The following WIPF2 variants were observed in gnomAD, a reference collection of about 807,000 sequenced individuals.
WIPF2 encodes WAS/WASL-interacting protein family member 2.
WIPF2 carries 23 observed loss-of-function variants against 38.8 expected under a neutral mutation model. The ratio of observed to expected loss-of-function variants is 0.59; its 90% CI spans 0.43 to 0.84. WIPF2 has a LOEUF of 0.84. Among genes scored for constraint, WIPF2 ranks in the 40% least tolerant of loss-of-function variants. The pLI, the probability that WIPF2 is intolerant of heterozygous loss-of-function variation, is 0.00. For missense variants in WIPF2, 574 were observed against 580.5 expected (o/e 0.99, Z 0.11); for synonymous variants, 210 against 223.2 (o/e 0.94, Z 0.53).
At position 40,234,102 on chromosome 17, in the gene WIPF2, C is replaced by G. The variant is rs952943798; in HGVS notation, c.-70+14610C>G. On this transcript the variant is annotated intron_variant, in intron 1 of 7. Transcript: ENST00000323571. The stretch of plus-strand genomic sequence containing the variant: ...AAAAAAAACAGGCCAGGCACAGTGG[C>G]TCACGCCTGTAATCCCAGCACTTTG... Among the ~76,000 whole-genome samples, 3 of 152,134 alleles carry G rather than the reference C, an allele frequency of 2.0e-5. No homozygotes were observed. In the South Asian group the frequency reaches 6.2e-4, roughly 32 times the overall value.
At position 40,230,463 on chromosome 17, in the gene WIPF2, G is replaced by C. The variant is rs117212964; in HGVS notation, c.-70+10971G>C. 7.4e-3 allele frequency among the ~76,000 whole-genome samples: 1,123 copies of C among 152,118 alleles called. 11 individuals carry two copies. Among genetic ancestry groups the C allele is most frequent in the Middle Eastern group, 0.051 (15 of 294 alleles). On this transcript the variant is annotated intron_variant, in intron 1 of 7. Coordinates refer to ENST00000323571, the MANE Select transcript of WIPF2 (RefSeq NM_133264.5). ...ATGATGAGACCATCAGTGTCATAAA[G>C]AAGTCTGATGCTTGTGCAGTGAAAC...
chr17:40,232,220 C>T (rs750674772), intron 1 of WIPF2, among the ~76,000 whole-genome samples: 2 of 117,714 alleles, frequency 1.7e-5, no homozygotes, highest in Admixed American at 9.8e-5. Flanking sequence ...GACAGGGTCT[C>T]GCTCTGTTGC....
chr17:40,262,080 T>C lies in WIPF2; in HGVS notation c.197-445T>C, dbSNP rs1373111262. On this transcript the variant is annotated intron_variant, in intron 3 of 7. Coordinates refer to ENST00000323571, the MANE Select transcript of WIPF2 (RefSeq NM_133264.5). Reference sequence around the variant, plus strand: ...CCTTTCTTTTCTTTTCTTTTCTCTTTTTTTTTTTTTTTTTGAAACAGGGTC... The same window carrying C: ...CCTTTCTTTTCTTTTCTTTTCTCTTCTTTTTTTTTTTTTTGAAACAGGGTC... Among the ~76,000 whole-genome samples, 102 of 110,882 alleles carry C rather than the reference T, an allele frequency of 9.2e-4. 1 individual carries two copies. The highest frequency in any genetic ancestry group is 3.1e-3 in the African/African-American group (89 of 28,866). The allele number at this position is 110,882 out of a possible 152,430, so 72.7% of individuals were successfully genotyped here. A position where few individuals can be genotyped will look rare whatever the true frequency, so the allele number is the denominator to read the frequency against.
intron 2 of WIPF2, among the ~76,000 whole-genome samples, chr17:40,259,232 G>A (rs2031825590): frequency 6.6e-6 from 1 of 151,122 alleles, no homozygotes; most frequent in South Asian, 2.1e-4. Context: ...TTGCTTGAGG[G>A]GATGTGGTAG....
Position 40,264,815 on chromosome 17 carries a change from T to C in WIPF2, c.639T>C (p.Pro213=), listed in dbSNP as rs755335352. The C allele has an allele frequency of 8.7e-6, 14 of 1,607,836 alleles. No homozygotes were observed. Among genetic ancestry groups the C allele is most frequent in the Non-Finnish European group, 1.7e-6 (2 of 1,179,334 alleles). The change falls in exon 5 of 8, where the codon CCT becomes CCC. Residue 213 remains proline (P), a synonymous_variant. Transcript: ENST00000323571. ...YNREKPLPPT[P]GQRLHPGREG... ...GAGAGAAACCCTTGCCACCGACGCC[T>C]GGACAAAGGCTTCACCCTGGTCGAG...
intron 1 of WIPF2, among the ~76,000 whole-genome samples, chr17:40,223,599 GTT>G (rs527827847): frequency 5.4e-5 from 7 of 130,290 alleles, no homozygotes; most frequent in Non-Finnish European, 6.6e-5. Context: ...TTTTTTTTGG[GTT>G]TTTTTTTTTT....
chr17:40,258,793 TTAA>T (rs975070492), intron 2 of WIPF2, among the ~76,000 whole-genome samples: 1 of 151,502 alleles, frequency 6.6e-6, no homozygotes, highest in Non-Finnish European at 1.5e-5. Flanking sequence ...AATTAATTAA[TTAA>T]TGAGACAGAG....
intron 1 of WIPF2, among the ~76,000 whole-genome samples, chr17:40,228,319 T>G (rs965757282): frequency 6.6e-6 from 1 of 152,122 alleles, no homozygotes; most frequent in Non-Finnish European, 1.5e-5. Context: ...CCGGCCATTT[T>G]TATACCTCTT....
At chr17:40,229,361 C>T (rs2030646011) in intron 1 of WIPF2, among the ~76,000 whole-genome samples, 1 of 152,072 alleles carries the variant, frequency 6.6e-6, no homozygotes, top group Non-Finnish European at 1.5e-5. Flanking sequence ...CCCACCTCGG[C>T]GTCCCAAAGT....
chr17:40,250,989 C>T (rs2031544235), intron 1 of WIPF2, among the ~76,000 whole-genome samples: 1 of 148,522 alleles, frequency 6.7e-6, no homozygotes. Context: ...TCTCGGCTCA[C>T]TGCCAGCTCC....
chr17:40,268,228 C>G (rs2032149212), intron 5 of WIPF2, among the ~76,000 whole-genome samples: 1 of 152,206 alleles, frequency 6.6e-6, no homozygotes, highest in Non-Finnish European at 1.5e-5. Context: ...TTGTTCAGTA[C>G]ATACAGATTT....
rs1229782082 is a variant in WIPF2, at chr17:40,280,133, T to G, written c.*1908T>G. 6.6e-6 allele frequency: 1 copy of G among 152,226 alleles called. No homozygotes were observed. The highest frequency in any genetic ancestry group is 1.5e-5 in the Non-Finnish European group (1 of 68,062). The allele number at this position is 152,226 out of a possible 1,614,324, so 9.4% of individuals were successfully genotyped here. A position where few individuals can be genotyped will look rare whatever the true frequency, so the allele number is the denominator to read the frequency against. On this transcript the variant is annotated 3_prime_UTR_variant, in exon 8 of 8. Coordinates refer to ENST00000323571, the MANE Select transcript of WIPF2 (RefSeq NM_133264.5). ...TTTTATGTATCATTCTTCTTTCTAA[T>G]CTGTTAGCAGTTATCTCCCAGAAGT... is the stretch of plus-strand genomic sequence containing the variant.
At chr17:40,261,714 TCTCA>T (rs1259168761) in intron 3 of WIPF2, among the ~76,000 whole-genome samples, 1 of 142,152 alleles carries the variant, frequency 7.0e-6, no homozygotes, top group Admixed American at 7.2e-5. Flanking sequence ...GGAGACAGAA[TCTCA>T]CTCTGTCACC....
At chr17:40,251,795 A>C (rs1186374617) in intron 1 of WIPF2, among the ~76,000 whole-genome samples, 1 of 152,212 alleles carries the variant, frequency 6.6e-6, no homozygotes, top group Non-Finnish European at 1.5e-5. Flanking sequence ...TCCTCACCAT[A>C]AAATGGGAAG....
At chr17:40,243,872 T>C (rs2031274738) in intron 1 of WIPF2, among the ~76,000 whole-genome samples, 1 of 152,114 alleles carries the variant, frequency 6.6e-6, no homozygotes, top group South Asian at 2.1e-4. Context: ...TTTTATTACT[T>C]GTTGGATCAG....
intron 1 of WIPF2, among the ~76,000 whole-genome samples, chr17:40,247,030 G>A (rs1179769148): frequency 6.6e-6 from 1 of 151,598 alleles, no homozygotes; most frequent in Non-Finnish European, 1.5e-5. Flanking sequence ...AGAATTGCAT[G>A]AACCTGGGAG....
In WIPF2 at chr17:40,265,025, G is replaced by C. The variant is rs776538667; in HGVS notation, c.849G>C (p.Leu283Phe). 1 of 1,614,048 alleles carries C rather than the reference G, an allele frequency of 6.2e-7. No homozygotes were observed. Among genetic ancestry groups the C allele is most frequent in the Admixed American group, 1.7e-5 (1 of 60,004 alleles). Residue 283 changes from leucine (L) to phenylalanine (F), a missense_variant, in exon 5 of 8, where the codon TTG becomes TTC. Coordinates refer to ENST00000323571, the MANE Select transcript of WIPF2 (RefSeq NM_133264.5). ...AGCTGCCACAGAGACACAATTCTTTGCATAGGAAGACACCAGGGCCTGTCA... is the reference window on the plus strand; with the variant it reads ...AGCTGCCACAGAGACACAATTCTTTCCATAGGAAGACACCAGGGCCTGTCA... ...APELPQRHNS[L>F]HRKTPGPVRG...
chr17:40,261,292 A>G (rs1243823258), intron 3 of WIPF2, among the ~76,000 whole-genome samples: 1 of 148,658 alleles, frequency 6.7e-6, no homozygotes, highest in African/African-American at 2.5e-5. Flanking sequence ...TATGTTGAAC[A>G]TTTCTTTTTT....
At position 40,273,833 on chromosome 17, in the gene WIPF2, T is replaced by C; in HGVS notation, c.1014T>C (p.Asp338=). 1 of 1,601,894 alleles carries C rather than the reference T, an allele frequency of 6.2e-7. No homozygotes were observed. The highest frequency in any genetic ancestry group is 8.5e-7 in the Non-Finnish European group (1 of 1,170,984). ...PPPVIRNGAR[D]APPPPPPYRM... is the part of the protein sequence containing the mutation. ...CTGTGATCCGAAATGGTGCCAGGGA[T>C]GCTCCCCCTCCCCCACCACCATACC... The change falls in exon 6 of 8, where the codon GAT becomes GAC. Residue 338 remains aspartate, a synonymous_variant. Transcript: ENST00000323571.
Sources: gnomAD v4.1 joint callset for allele counts (sites outside exome capture counted in the v4.1 genomes callset) on GRCh38, gnomAD v4.1.1 for gene constraint, MANE v1.5 for transcripts, NCBI Gene and HGNC (gene_info 2026-07-23, HGNC 2026-07-21) for gene names.